RAB23: variants seen among roughly 807,000 people sequenced by gnomAD.
RAB23 encodes the protein RAB23, member RAS oncogene family, also known as ras-related protein Rab-23.
A neutral mutation model predicts 30.0 loss-of-function variants in RAB23; 15 were observed. The ratio of observed to expected loss-of-function variants is 0.50; its 90% CI spans 0.33 to 0.77. The LOEUF is 0.77. Ranked by LOEUF, RAB23 falls within the 30% of genes least tolerant of loss-of-function variation. The pLI is 0.02. For missense variants in RAB23, 243 were observed against 275.4 expected (o/e 0.88, Z 0.83); for synonymous variants, 93 against 94.0 (o/e 0.99, Z 0.06).
intron 1 of RAB23, among the ~76,000 whole-genome samples, chr6:57,211,978 C>T (rs1295027773): frequency 6.6e-6 from 1 of 152,230 alleles, no homozygotes; most frequent in Non-Finnish European, 1.5e-5. Flanking sequence ...TGGTACTTTA[C>T]AAACCTGAGT....
Position 57,190,092 on chromosome 6 carries a change from T to C in RAB23, c.*369A>G, listed in dbSNP as rs1764780446. The C allele has an allele frequency of 4.5e-6, 1 of 220,390 alleles. No individual in the cohort carries two copies. Among genetic ancestry groups the C allele is most frequent in the Non-Finnish European group, 9.1e-6 (1 of 109,536 alleles). 13.7% of individuals were successfully genotyped at this position (220,390 alleles called of 1,614,324 possible). The stretch of plus-strand genomic sequence containing the variant: ...TACATGACCAATTTCAGGAAAAGAA[T>C]GCTTGCTATCTTTCCTTGATCCACA... On this transcript the variant is annotated 3_prime_UTR_variant, in exon 7 of 7. Coordinates refer to ENST00000468148, the MANE Select transcript of RAB23 (RefSeq NM_016277.5).
At chr6:57,209,154 T>G (rs1014831412) in intron 2 of RAB23, among the ~76,000 whole-genome samples, 1 of 152,192 alleles carries the variant, frequency 6.6e-6, no homozygotes, top group Non-Finnish European at 1.5e-5. Flanking sequence ...GTGTTTACTG[T>G]ATGAGGTACT....
chr6:57,215,986 C>G (rs1374576043), intron 1 of RAB23, among the ~76,000 whole-genome samples: 1 of 151,636 alleles, frequency 6.6e-6, no homozygotes, highest in Admixed American at 6.6e-5. Flanking sequence ...CACCACATAA[C>G]AACATTTCGG....
At chr6:57,191,543 G>T (rs1279274615) in intron 6 of RAB23, among the ~76,000 whole-genome samples, 1 of 151,938 alleles carries the variant, frequency 6.6e-6, no homozygotes, top group African/African-American at 2.4e-5. Flanking sequence ...TCCGCCTCTT[G>T]GAGTCAATTG....
intron 1 of RAB23, among the ~76,000 whole-genome samples, chr6:57,212,497 A>G (rs1018486111): frequency 6.6e-6 from 1 of 152,136 alleles, no homozygotes; most frequent in African/African-American, 2.4e-5. Context: ...ATACATCCCA[A>G]GTGATTTTAC....
rs138803099 is a variant in RAB23, at chr6:57,196,502, T to G, written c.346A>C (p.Thr116Pro). 1 of 1,613,932 alleles carries G rather than the reference T, an allele frequency of 6.2e-7. No individual in the cohort carries two copies. Among genetic ancestry groups the G allele is most frequent in the Non-Finnish European group, 8.5e-7 (1 of 1,179,972 alleles). The change falls in exon 4 of 7, where the codon ACT becomes CCT. Residue 116 changes from threonine to proline, a missense_variant. Thr to Pro is a conservative substitution (Grantham distance 38). Coordinates refer to ENST00000468148, the MANE Select transcript of RAB23 (RefSeq NM_016277.5). ...TCAATCTTGTTTTGCACAAGTACAG[T>G]TGGTATATCTCCCACTTCGGCTACT... ...KVVAEVGDIP[T>P]VLVQNKIDLL...
At chr6:57,192,731 G>T (rs1466946741) in intron 6 of RAB23, among the ~76,000 whole-genome samples, 1 of 152,152 alleles carries the variant, frequency 6.6e-6, no homozygotes, top group East Asian at 1.9e-4. Context: ...CTTTAAAAAA[G>T]AAAGAAAAAG....
chr6:57,203,008 T>G lies in RAB23; in HGVS notation c.241+4620A>C, dbSNP rs796270466. Among the ~76,000 whole-genome samples, 957 of 136,146 alleles carry G rather than the reference T, an allele frequency of 7.0e-3. 12 individuals are homozygous for G. The highest frequency in any genetic ancestry group is 0.026 in the African/African-American group (887 of 34,226). 89.3% of individuals were successfully genotyped at this position (136,146 alleles called of 152,430 possible). A position where few individuals can be genotyped will look rare whatever the true frequency, so the allele number is the denominator to read the frequency against. On this transcript the variant is annotated intron_variant, in intron 3 of 6. Coordinates refer to ENST00000468148, the MANE Select transcript of RAB23 (RefSeq NM_016277.5). Reference sequence around the variant, plus strand: ...AATTACTAAGATAGGCTGTTTTTTTTTTTTTTTTTTTTTTTTGAGACAGAG... The same window carrying G: ...AATTACTAAGATAGGCTGTTTTTTTGTTTTTTTTTTTTTTTTGAGACAGAG...
chr6:57,205,140 TAC>T (rs1355469107), intron 3 of RAB23, among the ~76,000 whole-genome samples: 3 of 151,124 alleles, frequency 2.0e-5, no homozygotes, highest in Non-Finnish European at 3.0e-5. Context: ...TATACATATA[TAC>T]TTTATATACA....
chr6:57,203,541 GGT>G (rs1187457377), intron 3 of RAB23, among the ~76,000 whole-genome samples: 2 of 152,068 alleles, frequency 1.3e-5, no homozygotes, highest in Admixed American at 1.3e-4. Context: ...ACTTCTTTCT[GGT>G]GTTTCCACAT....
chr6:57,210,043 A>G (rs1034417157), intron 2 of RAB23, among the ~76,000 whole-genome samples, 183 bp downstream of exon 2: 2 of 148,780 alleles, frequency 1.3e-5, no homozygotes, highest in Non-Finnish European at 2.9e-5. Context: ...AGAAGGGAAG[A>G]GATGAAAGAA....
intron 1 of RAB23, among the ~76,000 whole-genome samples, chr6:57,214,214 T>C (rs993078279): frequency 4.6e-5 from 7 of 152,236 alleles, no homozygotes; most frequent in Admixed American, 2.0e-4. Context: ...ACTGACTCTT[T>C]GCAGTGTCAG....
At chr6:57,206,023 A>T (rs553330952) in intron 3 of RAB23, among the ~76,000 whole-genome samples, 2 of 152,290 alleles carry the variant, frequency 1.3e-5, no homozygotes, top group South Asian at 4.1e-4. Context: ...AGCACTATGT[A>T]CTCATTAAGG....
At chr6:57,215,636 G>T (rs77450031) in intron 1 of RAB23, among the ~76,000 whole-genome samples, 1 of 152,080 alleles carries the variant, frequency 6.6e-6, no homozygotes, top group Non-Finnish European at 1.5e-5. Flanking sequence ...CAATGCAAAA[G>T]AACAGCTAAT....
rs1764748968 is a variant in RAB23, at chr6:57,189,509, G to A, written c.*952C>T. On this transcript the variant is annotated 3_prime_UTR_variant, in exon 7 of 7. Transcript: ENST00000468148. ...TCCTGAATGACTGCAGATGTGCTGT[G>A]TACCTTCTTAAGGGGCTTTGGCTGA... 6.6e-6 allele frequency: 1 copy of A among 152,254 alleles called. No individual in the cohort carries two copies. Among genetic ancestry groups the A allele is most frequent in the Admixed American group, 6.5e-5 (1 of 15,276 alleles). The allele number at this position is 152,254 out of a possible 1,614,324, so 9.4% of individuals were successfully genotyped here.
intron 1 of RAB23, among the ~76,000 whole-genome samples, chr6:57,213,760 T>C (rs554798953): frequency 6.6e-6 from 1 of 152,264 alleles, no homozygotes; most frequent in African/African-American, 2.4e-5. Context: ...TTACCTCATA[T>C]ATCCCAGACT....
Position 57,190,141 on chromosome 6 carries a change from T to A in RAB23, c.*320A>T. 3.2e-6 allele frequency: 1 copy of A among 315,448 alleles called. No homozygotes were observed. Among genetic ancestry groups the A allele is most frequent in the Non-Finnish European group, 6.0e-6 (1 of 166,208 alleles). The allele number at this position is 315,448 out of a possible 1,614,324, so 19.5% of individuals were successfully genotyped here. Reference sequence around the variant, plus strand: ...CAGTATTAAAATCTGTAACAATATATTTAGGCATTTCATTTATGTTTTCCA... The same window carrying A: ...CAGTATTAAAATCTGTAACAATATAATTAGGCATTTCATTTATGTTTTCCA... On this transcript the variant is annotated 3_prime_UTR_variant, in exon 7 of 7. Transcript: ENST00000468148.
At position 57,221,741 on chromosome 6, in the gene RAB23, G is replaced by A. The variant is rs576923880; in HGVS notation, c.-81C>T. The A allele has an allele frequency of 1.3e-5, 2 of 152,322 alleles. No homozygotes were observed. Among genetic ancestry groups the A allele is most frequent in the East Asian group, 1.9e-4 (1 of 5,192 alleles). 9.4% of individuals were successfully genotyped at this position (152,322 alleles called of 1,614,324 possible). ...AGGTACCCACCGCTGGGAGCTGGGA[G>A]GGGGCGCCGGGCTGGCGCTGCCGCC... On this transcript the variant is annotated 5_prime_UTR_variant, in exon 1 of 7. Transcript: ENST00000468148.
rs150336692 is a variant in RAB23, at chr6:57,197,219, G to GTA, written c.242-615_242-614dup. ...CATAATTTGAAAGCCAATGCCAAGA[G>GTA]TATATATATATATAATAGAGGGGTT... On this transcript the variant is annotated intron_variant, in intron 3 of 6. Transcript: ENST00000468148. 1.5e-3 allele frequency among the ~76,000 whole-genome samples: 228 copies of GTA among 150,406 alleles called. 1 individual carries two copies. The highest frequency in any genetic ancestry group is 4.3e-3 in the African/African-American group (179 of 41,154).
Sources: gnomAD v4.1 joint callset for allele counts (sites outside exome capture counted in the v4.1 genomes callset) on GRCh38, gnomAD v4.1.1 for gene constraint, MANE v1.5 for transcripts, NCBI Gene and HGNC (gene_info 2026-07-23, HGNC 2026-07-21) for gene names.